The following EHBP1 variants were observed in gnomAD, a reference collection of about 807,000 sequenced individuals.
The protein encoded by EHBP1 is EH domain-binding protein 1.
In EHBP1, 55 loss-of-function variants were observed where a neutral mutation model predicts 144.0. That is an observed-to-expected ratio of 0.38 (90% CI 0.31 to 0.48). The LOEUF is 0.48. EHBP1 is among the 20% of genes least tolerant of loss of function. The pLI, the probability that EHBP1 is intolerant of heterozygous loss-of-function variation, is 0.98. For missense variants in EHBP1, 1,200 were observed against 1,364.2 expected (o/e 0.88, Z 1.90); for synonymous variants, 469 against 472.7 (o/e 0.99, Z 0.10).
intron 7 of EHBP1, among the ~76,000 whole-genome samples, chr2:62,834,840 A>T (rs2047087677): frequency 6.6e-6 from 1 of 152,178 alleles, no homozygotes; most frequent in East Asian, 1.9e-4. Context: ...CTTTTCATAT[A>T]TGTGGGTTCG....
chr2:62,950,951 C>G (rs959547329), intron 13 of EHBP1, among the ~76,000 whole-genome samples: 1 of 152,194 alleles, frequency 6.6e-6, no homozygotes, highest in African/African-American at 2.4e-5. Flanking sequence ...TCCCAAAGTG[C>G]TGAGATTACA....
chr2:62,736,674 G>A (rs2038169175), intron 2 of EHBP1, among the ~76,000 whole-genome samples: 1 of 151,966 alleles, frequency 6.6e-6, no homozygotes, highest in Admixed American at 6.5e-5. Flanking sequence ...ATTTTATTTT[G>A]TTTTATTTTG....
chr2:62,725,222 G>A (rs2036641026), intron 2 of EHBP1, among the ~76,000 whole-genome samples: 1 of 152,180 alleles, frequency 6.6e-6, no homozygotes, highest in South Asian at 2.1e-4. Context: ...TTGTAGTGTG[G>A]TGACAGTGAT....
chr2:62,904,419 C>T (rs2152955938), intron 10 of EHBP1, among the ~76,000 whole-genome samples: 1 of 152,288 alleles, frequency 6.6e-6, no homozygotes, highest in East Asian at 1.9e-4. Context: ...GCATCTACTC[C>T]ACATCTCCAT....
chr2:62,832,387 G>A (rs1288857931), intron 7 of EHBP1, among the ~76,000 whole-genome samples: 2 of 132,722 alleles, frequency 1.5e-5, no homozygotes, highest in East Asian at 4.5e-4. Context: ...GGCATAGTTT[G>A]TTTTACTGAA....
intron 5 of EHBP1, among the ~76,000 whole-genome samples, chr2:62,778,645 C>G (rs2042209481): frequency 6.6e-6 from 1 of 151,934 alleles, no homozygotes; most frequent in African/African-American, 2.4e-5. Flanking sequence ...ACCAAACTCA[C>G]CTGACAAGAT....
At chr2:62,940,093 G>T in intron 10 of EHBP1, 1 of 433,730 alleles carries the variant, frequency 2.3e-6, no homozygotes, top group Admixed American at 2.3e-5. Flanking sequence ...GGACCAGTTG[G>T]GATGCCTACC....
intron 19 of EHBP1, among the ~76,000 whole-genome samples, chr2:63,003,986 A>G (rs1000082892): frequency 1.3e-5 from 2 of 152,096 alleles, no homozygotes; most frequent in Non-Finnish European, 2.9e-5. Context: ...ATTTAGGGAC[A>G]TGTATCTGTT....
chr2:62,748,809 G>T (rs368364171), intron 3 of EHBP1, among the ~76,000 whole-genome samples: 2 of 151,944 alleles, frequency 1.3e-5, no homozygotes, highest in South Asian at 4.1e-4. Flanking sequence ...ACAATTTTCT[G>T]TATTTAAAAT....
intron 13 of EHBP1, among the ~76,000 whole-genome samples, chr2:62,952,815 A>T (rs897136390): frequency 1.3e-5 from 2 of 152,228 alleles, no homozygotes; most frequent in African/African-American, 4.8e-5. Flanking sequence ...CCCAAATATA[A>T]TGTGGTCAAC....
At chr2:62,874,161 A>T (rs1299239879) in intron 9 of EHBP1, among the ~76,000 whole-genome samples, 185 bp from the exon 10 acceptor site, 2 of 152,190 alleles carry the variant, frequency 1.3e-5, no homozygotes, top group Non-Finnish European at 2.9e-5. Flanking sequence ...AAACCAAATT[A>T]AAAAATAAAT....
At chr2:62,694,712 T>G (rs961164465) in intron 1 of EHBP1, among the ~76,000 whole-genome samples, 1 of 152,124 alleles carries the variant, frequency 6.6e-6, no homozygotes, top group African/African-American at 2.4e-5. Context: ...ATTTTCCCAT[T>G]CCCATTTTAC....
In EHBP1 at chr2:63,038,825, T is replaced by C. The variant is rs1363328524; in HGVS notation, c.3277+9T>C. ...AATGCTAGCCATTGAAGGTAAGAAA[T>C]GCTATGGTGGGGTGAGGTATGTGAC... is the stretch of plus-strand genomic sequence containing the variant. On this transcript the variant is annotated intron_variant, in intron 21 of 22. Coordinates refer to ENST00000431489, the MANE Select transcript of EHBP1 (RefSeq NM_001142616.3). The C allele has an allele frequency of 1.2e-6, 2 of 1,611,156 alleles. No homozygotes were observed. The highest frequency in any genetic ancestry group is 1.3e-5 in the African/African-American group (1 of 74,824).
chr2:62,977,763 T>C (rs1009495695), intron 14 of EHBP1, among the ~76,000 whole-genome samples: 5 of 152,136 alleles, frequency 3.3e-5, no homozygotes, highest in African/African-American at 1.2e-4. Flanking sequence ...AGTTATAATG[T>C]AAATTGACAA....
At chr2:62,991,348 C>G (rs1465543881) in intron 16 of EHBP1, among the ~76,000 whole-genome samples, 1 of 151,226 alleles carries the variant, frequency 6.6e-6, no homozygotes, top group African/African-American at 2.4e-5. Context: ...TTCAGGGAAA[C>G]TACTACTTTA....
chr2:62,969,050 T>C (rs1436070561), intron 14 of EHBP1, among the ~76,000 whole-genome samples: 2 of 151,094 alleles, frequency 1.3e-5, no homozygotes, highest in African/African-American at 4.9e-5. Flanking sequence ...TAAGAAGTTA[T>C]CAATTTCACA....
chr2:62,974,737 T>C (rs1038508378), intron 14 of EHBP1, among the ~76,000 whole-genome samples: 6 of 152,220 alleles, frequency 3.9e-5, no homozygotes, highest in Admixed American at 1.3e-4. Context: ...AAAAAACATA[T>C]AGCGTATGAT....
At chr2:62,800,622 G>A (rs527625094) in intron 5 of EHBP1, among the ~76,000 whole-genome samples, 1 of 152,210 alleles carries the variant, frequency 6.6e-6, no homozygotes, top group East Asian at 1.9e-4. Context: ...AAATCTTAGG[G>A]TTTTTGTTCT....
intron 7 of EHBP1, among the ~76,000 whole-genome samples, chr2:62,853,652 G>A (rs1043232868): frequency 1.3e-5 from 2 of 152,054 alleles, no homozygotes; most frequent in Non-Finnish European, 2.9e-5. Flanking sequence ...TCAATTGACT[G>A]CCCAGATCAT....
Sources: allele counts gnomAD v4.1 joint callset (sites outside exome capture counted in the v4.1 genomes callset), GRCh38; gene constraint gnomAD v4.1.1; transcripts MANE v1.5; gene names NCBI Gene and HGNC (gene_info 2026-07-23, HGNC 2026-07-21).